CLDN19: variants seen among roughly 807,000 people sequenced by gnomAD.
The protein encoded by CLDN19 is claudin 19, also known as claudin-19.
Under a neutral mutation model 24.5 loss-of-function variants are expected in CLDN19, and 19 were observed. The observed-to-expected ratio is 0.78, with a 90% CI of 0.54 to 1.14. The LOEUF (loss-of-function observed/expected upper bound fraction) is 1.14, where lower values mean the gene tolerates loss of function less well. CLDN19 is among the 50% of genes most tolerant of loss of function. The pLI is 0.00. For synonymous variants in CLDN19, 117 were observed against 129.6 expected (o/e 0.90, Z 0.66); for missense variants, 250 against 295.9 (o/e 0.84, Z 1.14).
intron 3 of CLDN19, among the ~76,000 whole-genome samples, chr1:42,737,225 T>C (rs1651400346): frequency 6.6e-6 from 1 of 152,172 alleles, no homozygotes; most frequent in Non-Finnish European, 1.5e-5. Context: ...CAGCCTGCTT[T>C]CCACTGCTCC....
At chr1:42,735,546 G>C in intron 4 of CLDN19, 1 of 1,417,698 alleles carries the variant, frequency 7.1e-7, no homozygotes, top group Non-Finnish European at 9.2e-7. Context: ...AGACACCCAA[G>C]CAGCTCTTCA....
In CLDN19 at chr1:42,734,857, G is replaced by A; in HGVS notation, c.*229C>T. Reference sequence around the variant, plus strand: ...GGACCTCTGAATTATTTCTTGCTTAGCCCTGGATGTGCTATGTAACCCACC... The same window carrying A: ...GGACCTCTGAATTATTTCTTGCTTAACCCTGGATGTGCTATGTAACCCACC... On this transcript the variant is annotated 3_prime_UTR_variant, in exon 5 of 5. Transcript: ENST00000296387. 3.4e-6 allele frequency: 2 copies of A among 582,814 alleles called. No homozygotes were observed. Among genetic ancestry groups the A allele is most frequent in the Non-Finnish European group, 6.2e-6 (2 of 321,014 alleles). 36.1% of individuals were successfully genotyped at this position (582,814 alleles called of 1,614,324 possible).
rs969836365 is a variant in CLDN19, at chr1:42,733,443, C to T, written c.*1643G>A. ...ACAGAGTCACCTGGGCTTGAGGCCT[C>T]ATAGAGGAGCCCTCAGTGCTGACCA... On this transcript the variant is annotated 3_prime_UTR_variant, in exon 5 of 5. Transcript: ENST00000296387. 3 of 152,378 alleles carry T rather than the reference C, an allele frequency of 2.0e-5. No homozygotes were observed. The highest frequency in any genetic ancestry group is 4.8e-5 in the African/African-American group (2 of 41,442). 9.4% of individuals were successfully genotyped at this position (152,378 alleles called of 1,614,324 possible).
chr1:42,740,042 G>T lies in CLDN19; in HGVS notation c.22C>A (p.Leu8Ile). MANSGLQ[L>I]LGYFLALGGW... ...CCCAGGGCCAAGAAGTAGCCCAGGA[G>T]CTGGAGGCCTGAGTTGGCCATGGCC... Residue 8 changes from leucine to isoleucine, a missense_variant, in exon 1 of 5, where the codon CTC becomes ATC. Coordinates refer to ENST00000296387, the MANE Select transcript of CLDN19 (RefSeq NM_148960.3). The T allele has an allele frequency of 5.1e-6, 8 of 1,557,604 alleles. No individual in the cohort carries two copies. Among genetic ancestry groups the T allele is most frequent in the Non-Finnish European group, 7.0e-6 (8 of 1,150,382 alleles).
chr1:42,735,510 T>A, intron 4 of CLDN19: 1 of 1,414,312 alleles, frequency 7.1e-7, no homozygotes, highest in Non-Finnish European at 9.2e-7. Flanking sequence ...TGGCCACTGC[T>A]CTATCTCTAG....
Position 42,740,172 on chromosome 1 carries a change from G to A in CLDN19, c.-109C>T, listed in dbSNP as rs1380373520. The A allele has an allele frequency of 3.8e-6, 3 of 799,688 alleles. No individual in the cohort carries two copies. The highest frequency in any genetic ancestry group is 1.5e-5 in the South Asian group (1 of 68,640). 49.5% of individuals were successfully genotyped at this position (799,688 alleles called of 1,614,324 possible). On this transcript the variant is annotated 5_prime_UTR_variant, in exon 1 of 5. Coordinates refer to ENST00000296387, the MANE Select transcript of CLDN19 (RefSeq NM_148960.3). Reference sequence around the variant, plus strand: ...GGAGCAGCTGGGCAGGGGGAGCAGCGAGAAGGAGGGTCAGAGGCAGAGAAG... The same window carrying A: ...GGAGCAGCTGGGCAGGGGGAGCAGCAAGAAGGAGGGTCAGAGGCAGAGAAG...
At chr1:42,738,097 C>T (rs1651428776) in intron 3 of CLDN19, 132 bp downstream of exon 3, 6 of 835,366 alleles carry the variant, frequency 7.2e-6, no homozygotes, top group Non-Finnish European at 1.2e-5. Context: ...CACACTCCTC[C>T]TGGCGCCCCC....
rs535973050 is a variant in CLDN19, at chr1:42,736,198, C to A, written c.474-168G>T. Among the ~76,000 whole-genome samples the A allele has an allele frequency of 2.6e-5, 4 of 151,702 alleles. No homozygotes were observed. In the South Asian group the frequency reaches 8.3e-4, roughly 31 times the overall value. ...GGTGAATGCTCTTCCTTTCTCCCTCCCCCCCAGCCCAGAATATCAACACCA... is the reference window on the plus strand; with the variant it reads ...GGTGAATGCTCTTCCTTTCTCCCTCACCCCCAGCCCAGAATATCAACACCA... On this transcript the variant is annotated intron_variant, in intron 3 of 4. Coordinates refer to ENST00000296387, the MANE Select transcript of CLDN19 (RefSeq NM_148960.3).
intron 1 of CLDN19, among the ~76,000 whole-genome samples, chr1:42,739,040 G>T (rs1651464975): frequency 6.6e-6 from 1 of 152,138 alleles, no homozygotes; most frequent in Non-Finnish European, 1.5e-5. Context: ...TTTCCCCTCT[G>T]CCCATGGCAG....
chr1:42,735,190 AG>A (rs1030616687), intron 4 of CLDN19, 56 bp from the exon 5 acceptor site: 15 of 1,609,322 alleles, frequency 9.3e-6, no homozygotes, highest in Non-Finnish European at 9.3e-6. Flanking sequence ...GGTCGGGGGC[AG>A]GGGCTGTGCA....
intron 1 of CLDN19, among the ~76,000 whole-genome samples, chr1:42,739,103 T>C (rs1570445713): frequency 6.6e-6 from 1 of 152,014 alleles, no homozygotes; most frequent in African/African-American, 2.4e-5. Flanking sequence ...CCCTGGGGGG[T>C]GCTCAGGAGA....
In CLDN19 at chr1:42,739,894, T is replaced by C. The variant is rs761073623; in HGVS notation, c.170A>G (p.Gln57Arg). The C allele has an allele frequency of 1.9e-6, 3 of 1,613,092 alleles. No individual in the cohort carries two copies. The Admixed American group carries it at 5.0e-5, about 27-fold the overall frequency. ...YEGLWMSCAS[Q>R]STGQVQCKLY... Reference sequence around the variant, plus strand: ...CTTGCACTGCACTTGCCCAGTGCTCTGGGAGGCGCAGGACATCCAGAGCCC... The same window carrying C: ...CTTGCACTGCACTTGCCCAGTGCTCCGGGAGGCGCAGGACATCCAGAGCCC... Residue 57 changes from glutamine (Q) to arginine (R), a missense_variant, in exon 1 of 5, where the codon CAG (glutamine) becomes CGG (arginine). Gln to Arg is a conservative substitution (Grantham distance 43). Coordinates refer to ENST00000296387, the MANE Select transcript of CLDN19 (RefSeq NM_148960.3).
intron 1 of CLDN19, 82 bp downstream of exon 1, chr1:42,739,759 T>G: frequency 8.6e-7 from 1 of 1,162,846 alleles, no homozygotes; most frequent in East Asian, 2.5e-5. Flanking sequence ...CCAGCGCAGA[T>G]AGCAGACTGT....
chr1:42,738,435 A>C lies in CLDN19; in HGVS notation c.374T>G (p.Leu125Arg). 6.2e-7 allele frequency: 1 copy of C among 1,613,940 alleles called. No homozygotes were observed. The highest frequency in any genetic ancestry group is 8.5e-7 in the Non-Finnish European group (1 of 1,180,022). Reference protein sequence around the residue: ...KGRVAIAGGALFILAGLCTLT... With the variant: ...KGRVAIAGGARFILAGLCTLT... ...GGGGCACTCACCTGCCAGGATGAAG[A>C]GGGCTCCCCCGGCGATGGCAACACG... The change falls in exon 2 of 5, where the codon CTC becomes CGC. Residue 125 changes from leucine (L) to arginine (R), a missense_variant. Leu to Arg is a moderately radical substitution (Grantham distance 102). Coordinates refer to ENST00000296387, the MANE Select transcript of CLDN19 (RefSeq NM_148960.3).
At chr1:42,736,137 G>T in intron 3 of CLDN19, 107 bp from the exon 4 acceptor site, 1 of 693,622 alleles carries the variant, frequency 1.4e-6, no homozygotes, top group Non-Finnish European at 2.5e-6. Context: ...GGAGGCTGGA[G>T]CCTCACAACC....
chr1:42,736,138 C>G (rs1402927013), intron 3 of CLDN19, 108 bp from the exon 4 acceptor site: 1 of 676,668 alleles, frequency 1.5e-6, no homozygotes, highest in Non-Finnish European at 2.6e-6. Flanking sequence ...GAGGCTGGAG[C>G]CTCACAACCT....
rs1651442786 is a variant in CLDN19 at position 42,738,452 on chromosome 1, G to A, written c.357C>T (p.Ala119=). The A allele has an allele frequency of 1.2e-6, 2 of 1,613,958 alleles. No homozygotes were observed. The highest frequency in any genetic ancestry group is 2.2e-5 in the South Asian group (2 of 91,092). Residue 119 remains alanine (A), a synonymous_variant, in exon 2 of 5, where the codon GCC becomes GCT. Coordinates refer to ENST00000296387, the MANE Select transcript of CLDN19 (RefSeq NM_148960.3). ...GGATGAAGAGGGCTCCCCCGGCGAT[G>A]GCAACACGGCCCTTGGCAATGGGGT... The part of the protein sequence containing the change: ...DSNPIAKGRV[A]IAGGALFILA...
rs1651268154 is a variant in CLDN19, at chr1:42,733,941, G to C, written c.*1145C>G. 1 of 152,536 alleles carries C rather than the reference G, an allele frequency of 6.6e-6. No homozygotes were observed. The highest frequency in any genetic ancestry group is 2.4e-5 in the African/African-American group (1 of 41,462). The allele number at this position is 152,536 out of a possible 1,614,324, so 9.4% of individuals were successfully genotyped here. On this transcript the variant is annotated 3_prime_UTR_variant, in exon 5 of 5. Coordinates refer to ENST00000296387, the MANE Select transcript of CLDN19 (RefSeq NM_148960.3). ...AGCTGAGCTGCGTTCTTGAGATCTG[G>C]GGACGTGGTGGGAGATGTGGTCACA...
Position 42,733,630 on chromosome 1 carries a change from G to A in CLDN19, c.*1456C>T, listed in dbSNP as rs889365281. On this transcript the variant is annotated 3_prime_UTR_variant, in exon 5 of 5. Transcript: ENST00000296387. ...ATTGCACTATAGCTTCAGGCACCCAGAGGAGAAACTCCTGCAGTTCTCATT... is the reference window on the plus strand; with the variant it reads ...ATTGCACTATAGCTTCAGGCACCCAAAGGAGAAACTCCTGCAGTTCTCATT... 6.6e-6 allele frequency: 1 copy of A among 152,206 alleles called. No homozygotes were observed. The highest frequency in any genetic ancestry group is 1.5e-5 in the Non-Finnish European group (1 of 68,068). 9.4% of individuals were successfully genotyped at this position (152,206 alleles called of 1,614,324 possible).
Sources: allele counts gnomAD v4.1 joint callset (sites outside exome capture counted in the v4.1 genomes callset), GRCh38; gene constraint gnomAD v4.1.1; transcripts MANE v1.5; gene names NCBI Gene and HGNC (gene_info 2026-07-23, HGNC 2026-07-21).